The following ATP10A variants were observed in gnomAD, a reference collection of about 807,000 sequenced individuals.
The protein encoded by ATP10A is ATPase phospholipid transporting 10A (putative).
ATP10A carries 111 observed loss-of-function variants against 147.8 expected under a neutral mutation model. That is an observed-to-expected ratio of 0.75 (90% confidence interval 0.64 to 0.88). The LOEUF is 0.88. ATP10A is among the 40% of genes least tolerant of loss of function. The pLI, the probability that ATP10A is intolerant of heterozygous loss-of-function variation, is 0.00. For missense variants in ATP10A, 1,927 were observed against 1,959.0 expected (o/e 0.98, Z 0.31); for synonymous variants, 875 against 841.6 (o/e 1.04, Z -0.69).
chr15:25,699,987 A>C (rs955174195), intron 13 of ATP10A, among the ~76,000 whole-genome samples: 2 of 152,226 alleles, frequency 1.3e-5, no homozygotes, highest in Non-Finnish European at 2.9e-5. Flanking sequence ...TATGCAAATC[A>C]CATAGCCCAC....
intron 13 of ATP10A, 69 bp downstream of exon 13, chr15:25,701,847 G>A: frequency 7.0e-7 from 1 of 1,435,026 alleles, no homozygotes; most frequent in Non-Finnish European, 9.4e-7. Context: ...GTGAGTGTCT[G>A]CCAAGGGGGC....
At chr15:25,751,984 A>G (rs998777776) in intron 2 of ATP10A, among the ~76,000 whole-genome samples, 8 of 152,178 alleles carry the variant, frequency 5.3e-5, no homozygotes, top group Non-Finnish European at 1.0e-4. Context: ...TACCTGTCAG[A>G]ATAGTTATTA....
chr15:25,822,226 A>G (rs1418052444), intron 1 of ATP10A, among the ~76,000 whole-genome samples: 1 of 152,202 alleles, frequency 6.6e-6, no homozygotes, highest in African/African-American at 2.4e-5. Context: ...TTAGATCTGA[A>G]TCCAGGGATG....
chr15:25,804,602 C>T (rs888740197), intron 1 of ATP10A, among the ~76,000 whole-genome samples: 5 of 152,086 alleles, frequency 3.3e-5, no homozygotes, highest in Admixed American at 6.6e-5. Context: ...AGGCCTTAAA[C>T]AGGTGGCCAG....
At chr15:25,777,092 C>CATGCGTGTGT (rs1307153179) in intron 2 of ATP10A, among the ~76,000 whole-genome samples, 1 of 92,062 alleles carries the variant, frequency 1.1e-5, no homozygotes, top group African/African-American at 3.4e-5. Flanking sequence ...TGTGTGCATA[C>CATGCGTGTGT]GTGCGTGTGT....
chr15:25,862,278 G>T (rs1893795094), intron 1 of ATP10A: 1 of 493,802 alleles, frequency 2.0e-6, no homozygotes, highest in East Asian at 5.8e-5. Flanking sequence ...ACTGAGGCAG[G>T]GACTTCAGGC....
intron 1 of ATP10A, among the ~76,000 whole-genome samples, chr15:25,783,463 T>C (rs995315813): frequency 3.4e-4 from 39 of 114,562 alleles, no homozygotes; most frequent in African/African-American, 1.2e-3. Flanking sequence ...AATTCCCCTG[T>C]GTGGATTTGA....
intron 14 of ATP10A, among the ~76,000 whole-genome samples, chr15:25,694,429 G>C (rs1471186363): frequency 2.0e-5 from 3 of 152,214 alleles, no homozygotes; most frequent in South Asian, 2.1e-4. Context: ...GGCTCATGGT[G>C]ACCAGAAGCA....
At chr15:25,852,423 T>C (rs938896714) in intron 1 of ATP10A, among the ~76,000 whole-genome samples, 1 of 152,122 alleles carries the variant, frequency 6.6e-6, no homozygotes, top group Non-Finnish European at 1.5e-5. Flanking sequence ...TCATTGAGGG[T>C]GTTGGGGCTC....
chr15:25,792,612 C>T (rs1046160748), intron 1 of ATP10A, among the ~76,000 whole-genome samples: 4 of 152,178 alleles, frequency 2.6e-5, no homozygotes, highest in Non-Finnish European at 4.4e-5. Flanking sequence ...TGTCCAACCC[C>T]AACCCCCCAA....
chr15:25,861,198 G>C (rs1487074418), intron 1 of ATP10A, among the ~76,000 whole-genome samples: 1 of 152,164 alleles, frequency 6.6e-6, no homozygotes, highest in Non-Finnish European at 1.5e-5. Flanking sequence ...TTACGTGCAC[G>C]CTAATCTAAT....
intron 1 of ATP10A, among the ~76,000 whole-genome samples, chr15:25,821,403 A>AAC (rs770614425): frequency 8.0e-6 from 1 of 124,864 alleles, no homozygotes; most frequent in Non-Finnish European, 1.7e-5. Context: ...AAAAAACAAA[A>AAC]AAAAAAACAA....
intron 1 of ATP10A, among the ~76,000 whole-genome samples, chr15:25,808,944 C>T (rs73368903): frequency 6.6e-5 from 10 of 152,066 alleles, no homozygotes; most frequent in South Asian, 2.1e-4. Flanking sequence ...GAAGACTGGA[C>T]GTAGTTGGGA....
chr15:25,694,981 C>T lies in ATP10A; in HGVS notation c.2926G>A (p.Gly976Arg). ...SGRRPSLVID[G>R]RSLAYALEKN... Reference sequence around the variant, plus strand: ...TCGAGAGCGTAGGCCAGGCTTCTCCCATCGATCACGAGGCTGGGTCTGCGG... The same window carrying T: ...TCGAGAGCGTAGGCCAGGCTTCTCCTATCGATCACGAGGCTGGGTCTGCGG... The change falls in exon 14 of 21, where the codon GGG becomes AGG. Residue 976 changes from glycine (G) to arginine (R), a missense_variant. Coordinates refer to ENST00000555815, the MANE Select transcript of ATP10A (RefSeq NM_024490.4). 6.2e-7 allele frequency: 1 copy of T among 1,614,210 alleles called. No homozygotes were observed.
chr15:25,705,083 C>T (rs1053485867), intron 12 of ATP10A, among the ~76,000 whole-genome samples: 5 of 152,140 alleles, frequency 3.3e-5, no homozygotes, highest in Admixed American at 3.3e-4. Context: ...ATTTCAAGAG[C>T]ATGGAGAGAA....
In ATP10A at chr15:25,726,068, C is replaced by A. The variant is rs140982945; in HGVS notation, c.862G>T (p.Ala288Ser). ...CGGGGCCCACTGTTGTTCAGCAGAG[C>A]CTTGGTTTCATGTCCTGTCGGGGAG... ...IVIYAGHETK[A>S]LLNNSGPRYK... The change falls in exon 5 of 21, where the codon GCT becomes TCT. Residue 288 changes from alanine (A) to serine (S), a missense_variant. Ala to Ser is a moderately conservative substitution (Grantham distance 99). Coordinates refer to ENST00000555815, the MANE Select transcript of ATP10A (RefSeq NM_024490.4). 1 of 1,613,926 alleles carries A rather than the reference C, an allele frequency of 6.2e-7. No homozygotes were observed. Among genetic ancestry groups the A allele is most frequent in the Non-Finnish European group, 8.5e-7 (1 of 1,179,900 alleles).
At position 25,757,490 on chromosome 15, in the gene ATP10A, T is replaced by TA. The variant is rs1028413487; in HGVS notation, c.655-21350_655-21349insT. Among the ~76,000 whole-genome samples the TA allele has an allele frequency of 2.6e-5, 4 of 152,064 alleles. No individual in the cohort carries two copies. The South Asian group carries it at 6.2e-4, about 24-fold the overall frequency. Reference sequence around the variant, plus strand: ...AGAAGATAGAAGGATATATTTTATGTTAAAAAAGAGCAATTCTATCTAATT... The same window carrying TA: ...AGAAGATAGAAGGATATATTTTATGTATAAAAAAGAGCAATTCTATCTAATT... On this transcript the variant is annotated intron_variant, in intron 2 of 20. Coordinates refer to ENST00000555815, the MANE Select transcript of ATP10A (RefSeq NM_024490.4).
At chr15:25,789,826 C>T (rs1473771257) in intron 1 of ATP10A, among the ~76,000 whole-genome samples, 1 of 152,066 alleles carries the variant, frequency 6.6e-6, no homozygotes, top group Non-Finnish European at 1.5e-5. Flanking sequence ...AGCACCATCC[C>T]CAGCCTCCTC....
chr15:25,854,874 A>G (rs1172018413), intron 1 of ATP10A, among the ~76,000 whole-genome samples: 1 of 152,220 alleles, frequency 6.6e-6, no homozygotes, highest in Non-Finnish European at 1.5e-5. Flanking sequence ...CCTCATCAAC[A>G]TGGTGAAACC....
Sources: gnomAD v4.1 joint callset for allele counts (sites outside exome capture counted in the v4.1 genomes callset) on GRCh38, gnomAD v4.1.1 for gene constraint, MANE v1.5 for transcripts, NCBI Gene and HGNC (gene_info 2026-07-23, HGNC 2026-07-21) for gene names.